Variants in TMEM178B observed in about 807,000 individuals in gnomAD.
TMEM178B encodes transmembrane protein 178B.
A neutral mutation model predicts 31.0 loss-of-function variants in TMEM178B; 5 were observed. The ratio of observed to expected loss-of-function variants is 0.16; its 90% confidence interval spans 0.08 to 0.34. The LOEUF is 0.34. Among genes scored for constraint, TMEM178B ranks in the 10% least tolerant of loss-of-function variants. TMEM178B has a pLI of 1.00. For synonymous variants in TMEM178B, 164 were observed against 164.0 expected, an observed-to-expected ratio of 1.00 and a Z score of 0.00; for missense variants, 275 against 400.3, an observed-to-expected ratio of 0.69 and a Z score of 2.67.
At chr7:141,430,098 G>A (rs887620304) in intron 2 of TMEM178B, 2 of 152,206 alleles carry the variant, frequency 1.3e-5, no homozygotes, top group Admixed American at 1.3e-4. Context: ...AGCTGTTTTG[G>A]TCCTCGGAGG....
chr7:141,372,199 G>A (rs962307305), intron 2 of TMEM178B, among the ~76,000 whole-genome samples: 3 of 152,206 alleles, frequency 2.0e-5, no homozygotes, highest in African/African-American at 7.2e-5. Flanking sequence ...TGCTAATCCA[G>A]CAGCCAGTCC....
At chr7:141,289,558 A>G (rs1045418823) in intron 2 of TMEM178B, among the ~76,000 whole-genome samples, 4 of 152,024 alleles carry the variant, frequency 2.6e-5, no homozygotes, top group African/African-American at 9.7e-5. Context: ...TCTACTAAAA[A>G]TAAAAAATTA....
intron 1 of TMEM178B, among the ~76,000 whole-genome samples, chr7:141,133,937 T>G (rs892200389): frequency 5.9e-5 from 9 of 152,212 alleles, no homozygotes; most frequent in African/African-American, 1.4e-4. Context: ...GGATGATATA[T>G]TCAAAATGTT....
intron 2 of TMEM178B, among the ~76,000 whole-genome samples, chr7:141,314,015 C>G (rs1798958372): frequency 6.6e-6 from 1 of 152,194 alleles, no homozygotes; most frequent in Non-Finnish European, 1.5e-5. Flanking sequence ...GGTGAAAATA[C>G]ACAAAGCAAA....
At chr7:141,188,220 C>T (rs932220372) in intron 1 of TMEM178B, among the ~76,000 whole-genome samples, 6 of 152,122 alleles carry the variant, frequency 3.9e-5, no homozygotes, top group Admixed American at 2.0e-4. Context: ...TTCACACGCC[C>T]GAACTCATTG....
intron 1 of TMEM178B, among the ~76,000 whole-genome samples, chr7:141,169,738 T>A (rs1796318722): frequency 6.6e-6 from 1 of 152,224 alleles, no homozygotes; most frequent in Non-Finnish European, 1.5e-5. Context: ...TTATTGGAGC[T>A]ATTAGAAACC....
chr7:141,257,530 A>G (rs1311649589), intron 2 of TMEM178B, among the ~76,000 whole-genome samples: 1 of 152,156 alleles, frequency 6.6e-6, no homozygotes, highest in African/African-American at 2.4e-5. Flanking sequence ...TGACCATTGA[A>G]GTTTTAAAAT....
chr7:141,107,190 G>T (rs1281409975), intron 1 of TMEM178B, among the ~76,000 whole-genome samples: 2 of 152,216 alleles, frequency 1.3e-5, no homozygotes, highest in African/African-American at 4.8e-5. Flanking sequence ...AAGGCTGGTG[G>T]CATGGAGTAG....
At chr7:141,265,548 T>A (rs1798082840) in intron 2 of TMEM178B, among the ~76,000 whole-genome samples, 1 of 152,178 alleles carries the variant, frequency 6.6e-6, no homozygotes, top group African/African-American at 2.4e-5. Flanking sequence ...TCTAAGGGTA[T>A]CTTATTTATT....
Position 141,193,011 on chromosome 7 carries a change from T to C in TMEM178B, c.383-19580T>C, listed in dbSNP as rs751395882. Among the ~76,000 whole-genome samples, 56 of 152,252 alleles carry C rather than the reference T, an allele frequency of 3.7e-4. 1 individual carries two copies. The highest frequency in any genetic ancestry group is 2.9e-3 in the Admixed American group (44 of 15,286). Reference sequence around the variant, plus strand: ...AAATGGAAATTTCTCCAATGTTAGCTGCCCATGCCCTCTATCTAATTGTTC... The same window carrying C: ...AAATGGAAATTTCTCCAATGTTAGCCGCCCATGCCCTCTATCTAATTGTTC... On this transcript the variant is annotated intron_variant, in intron 1 of 3. Transcript: ENST00000565468.
At chr7:141,290,311 A>T (rs150040436) in intron 2 of TMEM178B, among the ~76,000 whole-genome samples, 137 of 152,328 alleles carry the variant, frequency 9.0e-4, no homozygotes, top group Non-Finnish European at 1.7e-3. Flanking sequence ...CTTAGAACAA[A>T]TATGGTTGCA....
At chr7:141,369,861 C>A (rs1424899690) in intron 2 of TMEM178B, among the ~76,000 whole-genome samples, 2 of 152,126 alleles carry the variant, frequency 1.3e-5, no homozygotes, top group Non-Finnish European at 2.9e-5. Flanking sequence ...GGGAAATATT[C>A]TATTGCTTGA....
chr7:141,354,148 T>C (rs530140998), intron 2 of TMEM178B, among the ~76,000 whole-genome samples: 2 of 152,336 alleles, frequency 1.3e-5, no homozygotes, highest in African/African-American at 4.8e-5. Flanking sequence ...TAGCCCACTC[T>C]TGGGCTCCAC....
chr7:141,221,497 A>C (rs2129189593), intron 2 of TMEM178B, among the ~76,000 whole-genome samples: 1 of 152,336 alleles, frequency 6.6e-6, no homozygotes, highest in South Asian at 2.1e-4. Context: ...GAATGAGTGA[A>C]CTCCCAGGGA....
chr7:141,501,758 C>T, the TMEM178B span, among the ~76,000 whole-genome samples: 1 of 152,176 alleles, frequency 6.6e-6, no homozygotes, highest in Non-Finnish European at 1.5e-5. Context: ...TTCTATGGGT[C>T]TCCAGCCTGC....
intron 1 of TMEM178B, among the ~76,000 whole-genome samples, chr7:141,115,509 G>A (rs1019982555): frequency 2.0e-5 from 3 of 152,308 alleles, no homozygotes; most frequent in Admixed American, 6.5e-5. Flanking sequence ...ACCAGGCATA[G>A]GACTCAGAAC....
intron 1 of TMEM178B, among the ~76,000 whole-genome samples, chr7:141,127,164 A>G (rs987885191): frequency 6.6e-6 from 1 of 152,126 alleles, no homozygotes; most frequent in Non-Finnish European, 1.5e-5. Flanking sequence ...TGGTTCTCTT[A>G]GCCCCTTTCT....
intron 1 of TMEM178B, among the ~76,000 whole-genome samples, chr7:141,210,763 C>G (rs927804869): frequency 1.3e-5 from 2 of 151,842 alleles, no homozygotes; most frequent in African/African-American, 4.8e-5. Context: ...GTCTACAGAG[C>G]CTTGGCGAGT....
chr7:141,468,200 G>T (rs1016878631), intron 3 of TMEM178B, among the ~76,000 whole-genome samples: 8 of 152,110 alleles, frequency 5.3e-5, no homozygotes, highest in African/African-American at 1.9e-4. Flanking sequence ...CCAAAGTGTG[G>T]TCATTGAGCC....
Sources: gnomAD v4.1 joint callset for allele counts (sites outside exome capture counted in the v4.1 genomes callset) on GRCh38, gnomAD v4.1.1 for gene constraint, MANE v1.5 for transcripts, NCBI Gene and HGNC (gene_info 2026-07-23, HGNC 2026-07-21) for gene names.